The following ADCY10 variants were observed in gnomAD, a reference collection of about 807,000 sequenced individuals.
ADCY10 encodes the protein adenylate cyclase 10, also known as adenylate cyclase type 10.
Under a neutral mutation model 183.3 loss-of-function variants are expected in ADCY10, and 156 were observed. The observed-to-expected ratio is 0.85, with a 90% CI of 0.75 to 0.97. The LOEUF is 0.97. ADCY10 is among the 50% of genes least tolerant of loss of function. The probability of loss-of-function intolerance (pLI) is 0.00; values close to 1 mark genes in which losing one functional copy is unlikely to be tolerated. For missense variants in ADCY10, 1,745 were observed against 1,934.3 expected (o/e 0.90, Z 1.84); for synonymous variants, 645 against 670.0 (o/e 0.96, Z 0.58).
intron 1 of ADCY10, among the ~76,000 whole-genome samples, chr1:167,908,731 A>T (rs958911028): frequency 1.2e-4 from 18 of 152,206 alleles, no homozygotes; most frequent in African/African-American, 4.3e-4. Context: ...ATAGTGAGAG[A>T]ACTAATGCAC....
At chr1:167,889,815 T>C (rs550789456) in intron 8 of ADCY10, among the ~76,000 whole-genome samples, 1 of 152,384 alleles carries the variant, frequency 6.6e-6, no homozygotes, top group Admixed American at 6.5e-5. Context: ...TTCCAATTTA[T>C]TGGCATATAA....
intron 8 of ADCY10, 108 bp from the exon 9 acceptor site, chr1:167,883,736 A>G (rs942809787): frequency 2.0e-6 from 2 of 979,898 alleles, no homozygotes; most frequent in Admixed American, 1.9e-5. Context: ...CTACCTCAGA[A>G]TGGGTGAGGT....
At chr1:167,852,434 A>G (rs764374655) in intron 18 of ADCY10, among the ~76,000 whole-genome samples, 2 of 151,812 alleles carry the variant, frequency 1.3e-5, no homozygotes, top group African/African-American at 2.4e-5. Flanking sequence ...ACAGAGTGAG[A>G]CTCTGTCTCA....
chr1:167,883,649 T>C, intron 8 of ADCY10, 21 bp from the exon 9 acceptor site: 1 of 1,613,858 alleles, frequency 6.2e-7, no homozygotes, highest in Non-Finnish European at 8.5e-7. Flanking sequence ...GAGAGCAGCT[T>C]TCTGTAGGTG....
intron 8 of ADCY10, among the ~76,000 whole-genome samples, chr1:167,885,596 T>A (rs1443594669): frequency 6.6e-6 from 1 of 152,212 alleles, no homozygotes; most frequent in African/African-American, 2.4e-5. Context: ...CATTTGTATG[T>A]CTTCCTTTGA....
chr1:167,909,926 C>T (rs185488542), intron 1 of ADCY10, among the ~76,000 whole-genome samples: 10 of 150,824 alleles, frequency 6.6e-5, no homozygotes, highest in Admixed American at 1.3e-4. Context: ...CAAGACCAGC[C>T]GGCGCCACTG....
At position 167,901,013 on chromosome 1, in the gene ADCY10, C is replaced by G. The variant is rs542439208; in HGVS notation, c.436+649G>C. On this transcript the variant is annotated intron_variant, in intron 5 of 32. Coordinates refer to ENST00000367851, the MANE Select transcript of ADCY10 (RefSeq NM_018417.6). ...CCAACCATAACTCTGTTACTCATTACTTATACCTCTCAGAATCTCATTTTT... is the reference window on the plus strand; with the variant it reads ...CCAACCATAACTCTGTTACTCATTAGTTATACCTCTCAGAATCTCATTTTT... Among the ~76,000 whole-genome samples the G allele has an allele frequency of 2.0e-5, 3 of 152,288 alleles. No individual in the cohort carries two copies. In the East Asian group the frequency reaches 5.8e-4, roughly 29 times the overall value.
intron 21 of ADCY10, among the ~76,000 whole-genome samples, chr1:167,840,629 T>C (rs960703082): frequency 2.0e-5 from 3 of 152,134 alleles, no homozygotes; most frequent in Admixed American, 6.6e-5. Flanking sequence ...GTGCTGCAAT[T>C]ACAGGCATGA....
Position 167,836,367 on chromosome 1 carries a change from G to C in ADCY10, c.3251C>G (p.Ala1084Gly), listed in dbSNP as rs1407962230. 6.2e-7 allele frequency: 1 copy of C among 1,613,958 alleles called. No homozygotes were observed. The highest frequency in any genetic ancestry group is 1.3e-5 in the African/African-American group (1 of 74,892). The change falls in exon 23 of 33, where the codon GCC becomes GGC. Residue 1084 changes from alanine (A) to glycine (G), a missense_variant. Coordinates refer to ENST00000367851, the MANE Select transcript of ADCY10 (RefSeq NM_018417.6). The part of the protein sequence containing the change: ...HFLALGENDK[A>G]LYYFLEIASA... Reference sequence around the variant, plus strand: ...TGCAATTTCTAAGAAGTAATATAAGGCTTTGTCATTTTCTCCCAAAGCCAG... The same window carrying C: ...TGCAATTTCTAAGAAGTAATATAAGCCTTTGTCATTTTCTCCCAAAGCCAG...
chr1:167,824,374 C>G, intron 28 of ADCY10, 102 bp downstream of exon 28: 1 of 956,876 alleles, frequency 1.0e-6, no homozygotes, highest in South Asian at 1.3e-5. Flanking sequence ...ACTGCAAACT[C>G]TACTCCCTTC....
At chr1:167,888,610 C>T (rs372606506) in intron 8 of ADCY10, among the ~76,000 whole-genome samples, 2 of 152,108 alleles carry the variant, frequency 1.3e-5, no homozygotes, top group Admixed American at 1.3e-4. Context: ...GGCGCGGTGG[C>T]TCACGCCTGT....
In ADCY10 at chr1:167,828,343, T is replaced by A. The variant is rs7556066; in HGVS notation, c.3750+924A>T. Among the ~76,000 whole-genome samples, 638 of 152,324 alleles carry A rather than the reference T, an allele frequency of 4.2e-3. 8 individuals carry two copies. The highest frequency in any genetic ancestry group is 0.014 in the African/African-American group (582 of 41,560). ...AGTCAACTCAGTGAGTTAAATAAAA[T>A]CTTTGATGTGTACTTTCCATATTTG... is the stretch of plus-strand genomic sequence containing the variant. On this transcript the variant is annotated intron_variant, in intron 26 of 32. Transcript: ENST00000367851.
chr1:167,856,474 A>G (rs758797150), intron 16 of ADCY10, 35 bp from the exon 17 acceptor site: 2 of 1,612,230 alleles, frequency 1.2e-6, no homozygotes, highest in Non-Finnish European at 1.7e-6. Flanking sequence ...GAGAAACACC[A>G]TAGGACGTCA....
chr1:167,880,759 A>G, intron 9 of ADCY10, 150 bp from the exon 10 acceptor site: 4 of 699,628 alleles, frequency 5.7e-6, no homozygotes, highest in South Asian at 4.5e-5. Flanking sequence ...TTTTTAGTAC[A>G]CTTCAAACAC....
intron 5 of ADCY10, among the ~76,000 whole-genome samples, chr1:167,899,854 C>T (rs1033839468): frequency 6.6e-6 from 1 of 152,224 alleles, no homozygotes; most frequent in Non-Finnish European, 1.5e-5. Context: ...TTTTGCCTGT[C>T]TGTAACATTA....
intron 13 of ADCY10, among the ~76,000 whole-genome samples, chr1:167,871,980 C>T (rs1013233427): frequency 6.6e-6 from 1 of 152,142 alleles, no homozygotes; most frequent in Non-Finnish European, 1.5e-5. Context: ...TGTAACAAAC[C>T]TGCACGTTGT....
chr1:167,819,649 G>A (rs1032512605), intron 30 of ADCY10, among the ~76,000 whole-genome samples: 1 of 151,858 alleles, frequency 6.6e-6, no homozygotes, highest in Non-Finnish European at 1.5e-5. Context: ...CGCAACCTTC[G>A]CCTCCTGGGT....
intron 25 of ADCY10, among the ~76,000 whole-genome samples, chr1:167,832,589 G>C (rs996335671): frequency 3.9e-5 from 6 of 152,058 alleles, no homozygotes; most frequent in Non-Finnish European, 7.3e-5. Flanking sequence ...TTTCTTTGGG[G>C]CGGGGCAAAA....
rs530468684 is a variant in ADCY10, at chr1:167,814,458, TA to T, written c.4483-3546del. Among the ~76,000 whole-genome samples the T allele has an allele frequency of 1.5e-3, 235 of 151,616 alleles. 1 individual carries two copies. Among genetic ancestry groups the T allele is most frequent in the African/African-American group, 5.2e-3 (217 of 41,470 alleles). ...TTGTTTTATAATTATATTTTTAAAATAAAAATATAACAATTATAAACATTTA... is the reference window on the plus strand; with the variant it reads ...TTGTTTTATAATTATATTTTTAAAATAAAATATAACAATTATAAACATTTA... On this transcript the variant is annotated intron_variant, in intron 31 of 32. Transcript: ENST00000367851.
Sources: gnomAD v4.1 joint callset for allele counts (sites outside exome capture counted in the v4.1 genomes callset) on GRCh38, gnomAD v4.1.1 for gene constraint, MANE v1.5 for transcripts, NCBI Gene and HGNC (gene_info 2026-07-23, HGNC 2026-07-21) for gene names.